GALNTL6: variants seen among roughly 807,000 people sequenced by gnomAD.
The protein encoded by GALNTL6 is polypeptide N-acetylgalactosaminyltransferase like 6.
In GALNTL6, 46 loss-of-function variants were observed where a neutral mutation model predicts 73.7. That is an observed-to-expected ratio of 0.62 (90% CI 0.49 to 0.80). GALNTL6 has a LOEUF of 0.80. Among genes scored for constraint, GALNTL6 ranks in the 30% least tolerant of loss-of-function variants. GALNTL6 has a pLI of 0.00. For missense variants in GALNTL6, 604 were observed against 755.0 expected (o/e 0.80, Z 2.34); for synonymous variants, 259 against 263.7 (o/e 0.98, Z 0.17).
intron 7 of GALNTL6, among the ~76,000 whole-genome samples, chr4:172,858,586 T>TA (rs1744232395): frequency 6.6e-6 from 1 of 152,144 alleles, no homozygotes; most frequent in African/African-American, 2.4e-5. Context: ...TCTCAGCATT[T>TA]TGGGAGGCCG....
At position 172,813,612 on chromosome 4, in the gene GALNTL6, A is replaced by G; in HGVS notation, c.812A>G (p.Tyr271Cys). ...IDVIDHNHFGYEAQAGDAMRG... is the reference protein window; with the variant it reads ...IDVIDHNHFGCEAQAGDAMRG... ...GTCATTGACCACAATCACTTCGGGT[A>G]TGAGGCACAAGCTGGGGATGCCATG... Residue 271 changes from tyrosine to cysteine, a missense_variant, in exon 7 of 13, where the codon TAT becomes TGT. Physicochemically the swap from Tyr to Cys is radical, Grantham distance 194. This residue lies in a region of GALNTL6 where 179 missense variants were observed against 230.8 expected (regional missense o/e 0.78). Coordinates refer to ENST00000506823, the MANE Select transcript of GALNTL6 (RefSeq NM_001034845.3). 2 of 1,613,458 alleles carry G rather than the reference A, an allele frequency of 1.2e-6. No homozygotes were observed. The highest frequency in any genetic ancestry group is 1.3e-5 in the African/African-American group (1 of 75,022).
intron 2 of GALNTL6, among the ~76,000 whole-genome samples, chr4:171,915,065 TA>T (rs1737579841): frequency 6.6e-6 from 1 of 152,146 alleles, no homozygotes; most frequent in Non-Finnish European, 1.5e-5. Flanking sequence ...TACAGATTTT[TA>T]AAGTTCGAAA....
intron 11 of GALNTL6, 29 bp from the exon 12 acceptor site, chr4:173,021,447 C>A (rs747279537): frequency 1.4e-5 from 22 of 1,612,480 alleles, no homozygotes; most frequent in South Asian, 5.5e-5. Context: ...AAACTCACTG[C>A]AGCTTTTCTG....
chr4:172,882,874 C>A lies in GALNTL6; in HGVS notation c.1008C>A (p.Ile336=). Residue 336 remains isoleucine, a synonymous_variant, in exon 8 of 13, where the codon ATC becomes ATA. Coordinates refer to ENST00000506823, the MANE Select transcript of GALNTL6 (RefSeq NM_001034845.3). The part of the protein sequence containing the change: ...ELGGYDPGLE[I]WGGEQYEISF... ...GTGGCTATGATCCAGGTTTAGAAAT[C>A]TGGGGAGGAGAACAGTATGAAATCT... is the stretch of plus-strand genomic sequence containing the variant. 1.2e-6 allele frequency: 2 copies of A among 1,608,636 alleles called. No individual in the cohort carries two copies. The highest frequency in any genetic ancestry group is 2.2e-5 in the East Asian group (1 of 44,830).
intron 2 of GALNTL6, among the ~76,000 whole-genome samples, chr4:171,969,973 G>A (rs1579017664): frequency 6.6e-6 from 1 of 152,206 alleles, no homozygotes. Context: ...ATTTCACCAT[G>A]TTGACCATGC....
Position 173,040,091 on chromosome 4 carries a change from C to T in GALNTL6, c.1797C>T (p.Ala599=). ...TTTTAGAAAAATTTAACCACCATGC[C>T]AACTCCTAGAAAGAAGAAAGGAAGA... ...MTVLEKFNHH[A]NS is the part of the protein sequence containing the mutation. The change falls in exon 13 of 13, where the codon GCC becomes GCT. Residue 599 remains alanine, a synonymous_variant. Transcript: ENST00000506823. The T allele has an allele frequency of 1.2e-6, 2 of 1,609,728 alleles. No homozygotes were observed. Among genetic ancestry groups the T allele is most frequent in the African/African-American group, 1.3e-5 (1 of 74,858 alleles).
intron 2 of GALNTL6, among the ~76,000 whole-genome samples, chr4:172,152,307 C>T (rs1294297286): frequency 6.6e-6 from 1 of 152,126 alleles, no homozygotes; most frequent in East Asian, 1.9e-4. Flanking sequence ...AATTGAAGAT[C>T]ATAACTGAAG....
At chr4:172,462,756 A>G (rs1177811833) in intron 5 of GALNTL6, among the ~76,000 whole-genome samples, 2 of 152,198 alleles carry the variant, frequency 1.3e-5, no homozygotes, top group Non-Finnish European at 2.9e-5. Flanking sequence ...TGTGTTGCCC[A>G]ATTGAATAAA....
chr4:172,956,550 C>T (rs375790262), intron 10 of GALNTL6, among the ~76,000 whole-genome samples: 14 of 152,110 alleles, frequency 9.2e-5, no homozygotes, highest in East Asian at 7.7e-4. Flanking sequence ...CAGTGAAAAC[C>T]GGCAGTTTTT....
At chr4:172,660,010 T>C (rs898397750) in intron 5 of GALNTL6, among the ~76,000 whole-genome samples, 1 of 152,218 alleles carries the variant, frequency 6.6e-6, no homozygotes, top group Admixed American at 6.5e-5. Context: ...CCTATGTACT[T>C]CACCACTGGG....
At chr4:172,042,908 C>A (rs1742126115) in intron 2 of GALNTL6, among the ~76,000 whole-genome samples, 3 of 126,184 alleles carry the variant, frequency 2.4e-5, no homozygotes, top group Non-Finnish European at 5.0e-5. Context: ...TATTGTGATG[C>A]ATAAAACTAT....
chr4:172,607,128 A>T (rs1453423589), intron 5 of GALNTL6, among the ~76,000 whole-genome samples: 1 of 152,112 alleles, frequency 6.6e-6, no homozygotes, highest in Non-Finnish European at 1.5e-5. Context: ...CCCCCCAAAA[A>T]AAATAAGAGA....
intron 2 of GALNTL6, among the ~76,000 whole-genome samples, chr4:171,837,946 C>A (rs1735142689): frequency 6.6e-6 from 1 of 151,330 alleles, no homozygotes. Context: ...AAATGAGAGT[C>A]ATATATTCTT....
intron 7 of GALNTL6, among the ~76,000 whole-genome samples, chr4:172,830,338 G>A (rs1019262393): frequency 6.6e-6 from 1 of 152,050 alleles, no homozygotes; most frequent in African/African-American, 2.4e-5. Flanking sequence ...CAGAATTATT[G>A]TAGAAATCTA....
intron 5 of GALNTL6, among the ~76,000 whole-genome samples, chr4:172,763,546 A>G (rs6553658): frequency 0.53 from 79,852 of 152,050 alleles, 22,398 homozygotes; most frequent in African/African-American, 0.74. Flanking sequence ...AATTACAATG[A>G]ACTAAGTAGA....
At chr4:172,738,865 C>T (rs908595942) in intron 5 of GALNTL6, among the ~76,000 whole-genome samples, 2 of 152,110 alleles carry the variant, frequency 1.3e-5, no homozygotes, top group African/African-American at 4.8e-5. Flanking sequence ...TTCCAGGCTA[C>T]AGGCAGATTT....
chr4:172,328,143 G>A (rs186320009), intron 4 of GALNTL6, among the ~76,000 whole-genome samples: 1,559 of 152,172 alleles, frequency 0.01, 22 homozygotes, highest in Middle Eastern at 0.027. Flanking sequence ...TTTCACTGAG[G>A]AAGCTTAATT....
intron 3 of GALNTL6, among the ~76,000 whole-genome samples, chr4:172,311,395 T>A (rs1394902201): frequency 1.3e-5 from 2 of 152,216 alleles, no homozygotes; most frequent in Non-Finnish European, 1.5e-5. Flanking sequence ...CTCTCTGCAA[T>A]GTGAGATTAC....
intron 3 of GALNTL6, among the ~76,000 whole-genome samples, chr4:172,264,725 C>T (rs1738393869): frequency 6.7e-6 from 1 of 149,196 alleles, no homozygotes; most frequent in Non-Finnish European, 1.5e-5. Context: ...TGATATATGG[C>T]TTCACATCAT....
Sources: gnomAD v4.1 joint callset for allele counts (sites outside exome capture counted in the v4.1 genomes callset) on GRCh38, gnomAD v4.1.1 for gene constraint, gnomAD v4.1.1 regional missense constraint, MANE v1.5 for transcripts, NCBI Gene and HGNC (gene_info 2026-07-23, HGNC 2026-07-21) for gene names.